Variants in DSC1 observed in about 807,000 individuals in gnomAD.
The protein encoded by DSC1 is desmocollin 1, also known as desmocollin-1.
DSC1 carries 79 observed loss-of-function variants against 98.8 expected under a neutral mutation model. That is an observed-to-expected ratio of 0.80 (90% CI 0.67 to 0.96). DSC1 has a LOEUF of 0.96. Ranked by LOEUF, DSC1 falls within the 50% of genes least tolerant of loss-of-function variation. The pLI is 0.00. For missense variants in DSC1, 1,115 were observed against 1,075.9 expected (o/e 1.04, Z -0.51); for synonymous variants, 405 against 372.1 (o/e 1.09, Z -1.02).
rs1252088856 is a variant in DSC1 at position 31,131,810 on chromosome 18, G to C, written c.2271C>G (p.Ser757=). The C allele has an allele frequency of 1.2e-6, 2 of 1,613,932 alleles. No individual in the cohort carries two copies. Among genetic ancestry groups the C allele is most frequent in the African/African-American group, 1.3e-5 (1 of 74,902 alleles). The change falls in exon 15 of 16, where the codon TCC becomes TCG. Residue 757 remains serine (S), a synonymous_variant. Coordinates refer to ENST00000257198, the MANE Select transcript of DSC1 (RefSeq NM_024421.2). ...EANIRLPMQT[S]NICDTSMSVG... ...CAGACATGCTTGTGTCACAAATGTT[G>C]GATGTCTGCATGGGGAGTCTAATAT...
chr18:31,158,232 A>C (rs1025164919), intron 2 of DSC1, among the ~76,000 whole-genome samples: 3 of 152,208 alleles, frequency 2.0e-5, no homozygotes, highest in Admixed American at 2.0e-4. Flanking sequence ...GCACCACTGC[A>C]CTTCAGCCTG....
chr18:31,138,256 A>C lies in DSC1; in HGVS notation c.1663+1492T>G, dbSNP rs76590513. ...TGTTCTCCATAATTTTCTCCTCTCC[A>C]GATAGCATTTTATTTTTAAAAAATT... On this transcript the variant is annotated intron_variant, in intron 11 of 15. Transcript: ENST00000257198. Among the ~76,000 whole-genome samples the C allele has an allele frequency of 1.6e-3, 240 of 152,190 alleles. 2 individuals carry two copies. The highest frequency in any genetic ancestry group is 5.5e-3 in the African/African-American group (228 of 41,536).
Position 31,130,059 on chromosome 18 carries a change from G to T in DSC1, c.*455C>A, listed in dbSNP as rs7244822. Reference sequence around the variant, plus strand: ...TAAAAGTCCTTTTTAAACCACTCAGGTGGAGAGAATGCAATTATCTGGCAC... The same window carrying T: ...TAAAAGTCCTTTTTAAACCACTCAGTTGGAGAGAATGCAATTATCTGGCAC... On this transcript the variant is annotated 3_prime_UTR_variant, in exon 16 of 16. Transcript: ENST00000257198. The T allele has an allele frequency of 0.055, 8,918 of 160,976 alleles. 320 individuals are homozygous for T. Among genetic ancestry groups the T allele is most frequent in the African/African-American group, 0.1 (4,255 of 41,590 alleles). 10.0% of individuals were successfully genotyped at this position (160,976 alleles called of 1,614,324 possible).
At chr18:31,157,278 G>T in intron 3 of DSC1, 93 bp downstream of exon 3, 1 of 1,308,856 alleles carries the variant, frequency 7.6e-7, no homozygotes, top group Non-Finnish European at 1.1e-6. Context: ...CAATAGCATA[G>T]ATTTTAACAT....
At chr18:31,151,153 C>T (rs1988994047) in intron 5 of DSC1, among the ~76,000 whole-genome samples, 1 of 152,198 alleles carries the variant, frequency 6.6e-6, no homozygotes, top group Admixed American at 6.5e-5. Context: ...CCACCATATG[C>T]TCATTTGTAA....
rs1233144130 is a variant in DSC1 at position 31,130,101 on chromosome 18, A to C, written c.*413T>G. 5.9e-6 allele frequency: 1 copy of C among 169,122 alleles called. No individual in the cohort carries two copies. Among genetic ancestry groups the C allele is most frequent in the Non-Finnish European group, 1.3e-5 (1 of 78,206 alleles). 10.5% of individuals were successfully genotyped at this position (169,122 alleles called of 1,614,324 possible). A position where few individuals can be genotyped will look rare whatever the true frequency, so the allele number is the denominator to read the frequency against. ...ATCTGGCACCAACTATGTTCTAAGA[A>C]CATAATTCTCCCCAAGATTTTGAAG... On this transcript the variant is annotated 3_prime_UTR_variant, in exon 16 of 16. Coordinates refer to ENST00000257198, the MANE Select transcript of DSC1 (RefSeq NM_024421.2).
chr18:31,151,791 T>C (rs537911198), intron 5 of DSC1, among the ~76,000 whole-genome samples: 2 of 152,244 alleles, frequency 1.3e-5, no homozygotes, highest in East Asian at 3.9e-4. Flanking sequence ...ACACCAAAGC[T>C]GAGTGGGTAC....
chr18:31,144,625 A>G (rs1292572800), intron 7 of DSC1, among the ~76,000 whole-genome samples: 1 of 152,180 alleles, frequency 6.6e-6, no homozygotes, highest in Non-Finnish European at 1.5e-5. Context: ...CAATAGGAGA[A>G]GCACTACAGA....
intron 3 of DSC1, among the ~76,000 whole-genome samples, chr18:31,157,106 T>C (rs1210845027): frequency 6.6e-6 from 1 of 152,204 alleles, no homozygotes; most frequent in Non-Finnish European, 1.5e-5. Flanking sequence ...TTGTTCTTAT[T>C]CCCAAACTTG....
chr18:31,141,486 A>G (rs1988733706), intron 9 of DSC1, among the ~76,000 whole-genome samples: 1 of 152,190 alleles, frequency 6.6e-6, no homozygotes, highest in African/African-American at 2.4e-5. Flanking sequence ...ATTGCAATTA[A>G]ATTTAAAAAA....
rs764313855 is a variant in DSC1 at position 31,143,603 on chromosome 18, T to C, written c.1074+54A>G. On this transcript the variant is annotated intron_variant, in intron 8 of 15. Coordinates refer to ENST00000257198, the MANE Select transcript of DSC1 (RefSeq NM_024421.2). Reference sequence around the variant, plus strand: ...TCACAGAGCTACCAAATTCTAGACATGTTTTTTGAAAAAGTAGATAAATCT... The same window carrying C: ...TCACAGAGCTACCAAATTCTAGACACGTTTTTTGAAAAAGTAGATAAATCT... 56 of 1,384,064 alleles carry C rather than the reference T, an allele frequency of 4.0e-5. No individual in the cohort carries two copies. The Admixed American group carries it at 7.0e-4, about 17-fold the overall frequency. The allele number at this position is 1,384,064 out of a possible 1,614,324, so 85.7% of individuals were successfully genotyped here. A position where few individuals can be genotyped will look rare whatever the true frequency, so the allele number is the denominator to read the frequency against.
chr18:31,141,071 C>A (rs542271856), intron 9 of DSC1, among the ~76,000 whole-genome samples: 1 of 152,132 alleles, frequency 6.6e-6, no homozygotes, highest in Non-Finnish European at 1.5e-5. Flanking sequence ...TCTGAGGCCT[C>A]CCTAGCCATG....
intron 5 of DSC1, among the ~76,000 whole-genome samples, chr18:31,153,989 T>C (rs1219619892): frequency 6.6e-6 from 1 of 152,220 alleles, no homozygotes; most frequent in Non-Finnish European, 1.5e-5. Context: ...AACTTTATTA[T>C]ACTCTTATAT....
chr18:31,152,633 C>T (rs1461235236), intron 5 of DSC1, among the ~76,000 whole-genome samples: 1 of 152,032 alleles, frequency 6.6e-6, no homozygotes, highest in Non-Finnish European at 1.5e-5. Context: ...GATCAGAACA[C>T]TACTGAGGTT....
In DSC1 at chr18:31,162,643, C is replaced by G; in HGVS notation, c.-49G>C. On this transcript the variant is annotated 5_prime_UTR_variant, in exon 1 of 16. Coordinates refer to ENST00000257198, the MANE Select transcript of DSC1 (RefSeq NM_024421.2). ...GACGGTGGCCAGATAACAGGGCAGCCTGGGATGCACAGAGCGGCTAAGAAG... is the reference window on the plus strand; with the variant it reads ...GACGGTGGCCAGATAACAGGGCAGCGTGGGATGCACAGAGCGGCTAAGAAG... 1 of 1,561,158 alleles carries G rather than the reference C, an allele frequency of 6.4e-7. No individual in the cohort carries two copies. Among genetic ancestry groups the G allele is most frequent in the Non-Finnish European group, 8.8e-7 (1 of 1,132,382 alleles).
chr18:31,157,458 T>C lies in DSC1; in HGVS notation c.264A>G (p.Glu88=), dbSNP rs1460662979. ...AAAGGAAAATGGAAAAACTTTTCCT[T>C]TCAGAAGACAAAATGAGGTCATGTG... The part of the protein sequence containing the change: ...YTTHDLILSS[E]RKSFSIFLSD... Residue 88 remains glutamate, a synonymous_variant, in exon 3 of 16, where the codon GAA becomes GAG. Transcript: ENST00000257198. The C allele has an allele frequency of 6.2e-7, 1 of 1,614,218 alleles. No homozygotes were observed. The highest frequency in any genetic ancestry group is 2.2e-5 in the East Asian group (1 of 44,890).
rs368656493 is a variant in DSC1, at chr18:31,154,898, A to G, written c.503T>C (p.Ile168Thr). ...GCCTGGCCCACTTATGGAATAAAAG[A>G]TGGTGTAATTCTGTGCAGCATCAGA... ...IQSDAAQNYTIFYSISGPGVD... is the reference protein window; with the variant it reads ...IQSDAAQNYTTFYSISGPGVD... The change falls in exon 5 of 16, where the codon ATC becomes ACC. Residue 168 changes from isoleucine to threonine, a missense_variant. Transcript: ENST00000257198. 1.1e-5 allele frequency: 18 copies of G among 1,613,966 alleles called. No individual in the cohort carries two copies. Among genetic ancestry groups the G allele is most frequent in the Non-Finnish European group, 1.5e-5 (18 of 1,180,000 alleles).
chr18:31,148,722 T>C, intron 5 of DSC1, 80 bp from the exon 6 acceptor site: 3 of 1,349,952 alleles, frequency 2.2e-6, no homozygotes, highest in Non-Finnish European at 2.0e-6. Context: ...TGGGGGAAAA[T>C]GTAACATTAA....
intron 5 of DSC1, among the ~76,000 whole-genome samples, chr18:31,149,241 T>C (rs59703079): frequency 0.22 from 33,682 of 152,094 alleles, 4,251 homozygotes; most frequent in East Asian, 0.56. Flanking sequence ...ACCTTCCTTA[T>C]GTGGTTTGTG....
Sources: allele counts gnomAD v4.1 joint callset (sites outside exome capture counted in the v4.1 genomes callset), GRCh38; gene constraint gnomAD v4.1.1; transcripts MANE v1.5; gene names NCBI Gene and HGNC (gene_info 2026-07-23, HGNC 2026-07-21).